The following FOXP1 variants were observed in gnomAD, a reference collection of about 807,000 sequenced individuals.
The protein encoded by FOXP1 is forkhead box protein P1.
FOXP1 carries 15 observed loss-of-function variants against 98.2 expected under a neutral mutation model. That is an observed-to-expected ratio of 0.15 (90% CI 0.10 to 0.24). The LOEUF is 0.24. FOXP1 is among the 10% of genes least tolerant of loss of function. The pLI, the probability that FOXP1 is intolerant of heterozygous loss-of-function variation, is 1.00. For missense variants in FOXP1, 633 were observed against 848.5 expected, an observed-to-expected ratio of 0.75 and a Z score of 3.15; for synonymous variants, 371 against 314.5, an observed-to-expected ratio of 1.18 and a Z score of -1.90.
At chr3:71,499,416 G>A (rs1359186888) in intron 2 of FOXP1, among the ~76,000 whole-genome samples, 1 of 152,260 alleles carries the variant, frequency 6.6e-6, no homozygotes, top group East Asian at 1.9e-4. Context: ...CATAATATAC[G>A]TATGTATATA....
chr3:71,274,573 G>T (rs1430048644), intron 5 of FOXP1, among the ~76,000 whole-genome samples: 1 of 152,200 alleles, frequency 6.6e-6, no homozygotes, highest in Non-Finnish European at 1.5e-5. Flanking sequence ...ATCAAATAAA[G>T]TCTCTTTTTG....
At chr3:71,325,196 G>T (rs1434004304) in intron 4 of FOXP1, among the ~76,000 whole-genome samples, 1 of 152,018 alleles carries the variant, frequency 6.6e-6, no homozygotes, top group East Asian at 1.9e-4. Context: ...GGGATTACAG[G>T]CATAAACCAC....
At chr3:70,987,022 G>A (rs907058370) in intron 14 of FOXP1, among the ~76,000 whole-genome samples, 4 of 152,130 alleles carry the variant, frequency 2.6e-5, no homozygotes, top group African/African-American at 4.8e-5. Flanking sequence ...TTGCCATTAC[G>A]CTGCATCATT....
At chr3:71,187,983 A>G (rs2108318504) in intron 6 of FOXP1, among the ~76,000 whole-genome samples, 1 of 152,352 alleles carries the variant, frequency 6.6e-6, no homozygotes, top group East Asian at 1.9e-4. Flanking sequence ...TATAAAGAGA[A>G]CTACTTCGTA....
intron 6 of FOXP1, among the ~76,000 whole-genome samples, chr3:71,187,668 T>C (rs1157162044): frequency 6.6e-6 from 1 of 152,198 alleles, no homozygotes; most frequent in Middle Eastern, 3.2e-3. Context: ...CAAAACTTTG[T>C]GTTTATAAGA....
intron 6 of FOXP1, among the ~76,000 whole-genome samples, chr3:71,141,185 T>C (rs1402714747): frequency 6.6e-6 from 1 of 150,788 alleles, no homozygotes; most frequent in Non-Finnish European, 1.5e-5. Context: ...GGACAATCAG[T>C]TGAACCCGGA....
intron 12 of FOXP1, among the ~76,000 whole-genome samples, chr3:71,005,673 G>A (rs2042722559): frequency 6.6e-6 from 1 of 152,042 alleles, no homozygotes; most frequent in African/African-American, 2.4e-5. Flanking sequence ...TGTACCTCTT[G>A]TTTATCACCA....
intron 12 of FOXP1, among the ~76,000 whole-genome samples, chr3:71,015,020 ATTAGGAGATACAC>A (rs2044237921): frequency 6.6e-6 from 1 of 152,172 alleles, no homozygotes; most frequent in Non-Finnish European, 1.5e-5. Context: ...AGGGGACAGC[ATTAGGAGATACAC>A]TTAATGTAAA....
rs551036058 is a variant in FOXP1 at position 71,122,879 on chromosome 3, G to A, written c.181-10242C>T. On this transcript the variant is annotated intron_variant, in intron 6 of 20. Coordinates refer to ENST00000649528, the MANE Select transcript of FOXP1 (RefSeq NM_001349338.3). ...CTGATTAGACCAAAGATGGCCACGGGTAATCTTGGCAAATGGCTATGCAGA... is the reference window on the plus strand; with the variant it reads ...CTGATTAGACCAAAGATGGCCACGGATAATCTTGGCAAATGGCTATGCAGA... Among the ~76,000 whole-genome samples the A allele has an allele frequency of 1.4e-4, 21 of 152,264 alleles. No individual in the cohort carries two copies. In the South Asian group the frequency reaches 3.7e-3, roughly 27 times the overall value.
At chr3:71,518,661 A>C (rs1210344657) in intron 2 of FOXP1, among the ~76,000 whole-genome samples, 1 of 152,214 alleles carries the variant, frequency 6.6e-6, no homozygotes, top group African/African-American at 2.4e-5. Context: ...ATAAAATGTA[A>C]GAACAAAGGG....
chr3:70,973,654 A>C (rs1268943802), intron 17 of FOXP1, among the ~76,000 whole-genome samples: 1 of 152,128 alleles, frequency 6.6e-6, no homozygotes, highest in Non-Finnish European at 1.5e-5. Context: ...AACGCTGGAC[A>C]TGAAGACATT....
intron 6 of FOXP1, among the ~76,000 whole-genome samples, chr3:71,122,709 G>A (rs1299835140): frequency 6.6e-6 from 1 of 152,168 alleles, no homozygotes; most frequent in Non-Finnish European, 1.5e-5. Context: ...TGTAAGTCTT[G>A]ATTTAAAATG....
intron 4 of FOXP1, among the ~76,000 whole-genome samples, chr3:71,305,440 A>T (rs905819572): frequency 4.6e-5 from 7 of 152,194 alleles, no homozygotes; most frequent in African/African-American, 1.4e-4. Flanking sequence ...CGATTTCCAC[A>T]GAAGAAAACC....
At chr3:71,138,618 A>G (rs1371289141) in intron 6 of FOXP1, among the ~76,000 whole-genome samples, 1 of 152,336 alleles carries the variant, frequency 6.6e-6, no homozygotes, top group South Asian at 2.1e-4. Context: ...CTATCTCTCA[A>G]AAGTGATACA....
At chr3:71,067,940 A>AT (rs1251725455) in intron 7 of FOXP1, among the ~76,000 whole-genome samples, 1 of 151,028 alleles carries the variant, frequency 6.6e-6, no homozygotes, top group Non-Finnish European at 1.5e-5. Context: ...AAAATAAAAA[A>AT]AAAATATATA....
At chr3:71,406,614 G>A (rs771644860) in intron 3 of FOXP1, among the ~76,000 whole-genome samples, 23 of 151,676 alleles carry the variant, frequency 1.5e-4, no homozygotes, top group South Asian at 8.4e-4. Flanking sequence ...GATACTCCAA[G>A]ATAACCTCCC....
chr3:71,160,961 G>C (rs138825350), intron 6 of FOXP1, among the ~76,000 whole-genome samples: 1 of 152,246 alleles, frequency 6.6e-6, no homozygotes, highest in Non-Finnish European at 1.5e-5. Flanking sequence ...GACCAAAGAC[G>C]GGAGTGACTG....
chr3:71,411,511 A>C, intron 3 of FOXP1, among the ~76,000 whole-genome samples: 1 of 152,156 alleles, frequency 6.6e-6, no homozygotes, highest in Non-Finnish European at 1.5e-5. Context: ...TTTAGTAGAG[A>C]CAGGGTTTCA....
At chr3:71,203,977 GAA>G (rs2063839585) in intron 5 of FOXP1, among the ~76,000 whole-genome samples, 2 of 147,488 alleles carry the variant, frequency 1.4e-5, no homozygotes, top group Non-Finnish European at 3.0e-5. Context: ...AGGAAGGAAG[GAA>G]GGAAGGAAGG....
Sources: allele counts gnomAD v4.1 joint callset (sites outside exome capture counted in the v4.1 genomes callset), GRCh38; gene constraint gnomAD v4.1.1; transcripts MANE v1.5; gene names NCBI Gene and HGNC (gene_info 2026-07-23, HGNC 2026-07-21).